Variants in VTI1A observed in about 807,000 individuals in gnomAD.
VTI1A encodes vesicle transport through interaction with t-SNAREs 1A.
Under a neutral mutation model 34.9 loss-of-function variants are expected in VTI1A, and 22 were observed. That is an observed-to-expected ratio of 0.63 (90% CI 0.45 to 0.90). The LOEUF (loss-of-function observed/expected upper bound fraction) is 0.90. Ranked by LOEUF, VTI1A falls within the 40% of genes least tolerant of loss-of-function variation. VTI1A has a pLI of 0.00. For synonymous variants in VTI1A, 87 were observed against 97.3 expected (o/e 0.89, Z 0.62); for missense variants, 268 against 275.6 (o/e 0.97, Z 0.20).
At chr10:112,678,661 CG>C (rs1381993158) in intron 7 of VTI1A, among the ~76,000 whole-genome samples, 8 of 152,164 alleles carry the variant, frequency 5.3e-5, no homozygotes, top group African/African-American at 1.9e-4. Context: ...TGTAAACTAG[CG>C]TATTCACACA....
intron 5 of VTI1A, among the ~76,000 whole-genome samples, chr10:112,666,602 A>T (rs1386643368): frequency 6.6e-6 from 1 of 152,178 alleles, no homozygotes; most frequent in Non-Finnish European, 1.5e-5. Context: ...TACATACTGT[A>T]TCATGACATG....
intron 7 of VTI1A, among the ~76,000 whole-genome samples, chr10:112,814,471 A>G (rs1853437516): frequency 6.6e-6 from 1 of 152,158 alleles, no homozygotes; most frequent in South Asian, 2.1e-4. Flanking sequence ...TTTTCTCCGA[A>G]TGAGGTAACA....
intron 5 of VTI1A, among the ~76,000 whole-genome samples, chr10:112,555,239 A>G (rs1367082468): frequency 1.3e-5 from 2 of 152,156 alleles, no homozygotes; most frequent in Non-Finnish European, 2.9e-5. Context: ...TTTCAAATAT[A>G]TATGCATACA....
At chr10:112,620,030 C>CTAAAG in intron 5 of VTI1A, among the ~76,000 whole-genome samples, 1 of 152,306 alleles carries the variant, frequency 6.6e-6, no homozygotes, top group South Asian at 2.1e-4. Flanking sequence ...AAACTCTCCT[C>CTAAAG]TAAAGTATTT....
intron 5 of VTI1A, among the ~76,000 whole-genome samples, chr10:112,596,255 A>G (rs575437739): frequency 6.6e-6 from 1 of 152,278 alleles, no homozygotes; most frequent in Non-Finnish European, 1.5e-5. Flanking sequence ...TGGCACATGT[A>G]TACATATGTA....
chr10:112,768,309 C>T (rs745618748), intron 7 of VTI1A, among the ~76,000 whole-genome samples: 1 of 152,192 alleles, frequency 6.6e-6, no homozygotes, highest in Non-Finnish European at 1.5e-5. Flanking sequence ...AAGGCGCTTT[C>T]TGGAGAGGCT....
chr10:112,824,640 C>G, the VTI1A span: 2 of 152,362 alleles, frequency 1.3e-5, no homozygotes, highest in Non-Finnish European at 2.9e-5. Context: ...CAGCGTGGTA[C>G]GGATACCAGT....
At chr10:112,592,722 G>C (rs1225850418) in intron 5 of VTI1A, among the ~76,000 whole-genome samples, 4 of 152,194 alleles carry the variant, frequency 2.6e-5, no homozygotes, top group African/African-American at 9.7e-5. Context: ...AAAATGGTTA[G>C]ACAAGGTGCC....
chr10:112,849,710 C>T, the VTI1A span, among the ~76,000 whole-genome samples: 4 of 152,220 alleles, frequency 2.6e-5, no homozygotes, highest in Admixed American at 1.3e-4. Context: ...GACTGATATT[C>T]TGTCAAATAT....
At chr10:112,632,641 A>G (rs927720790) in intron 5 of VTI1A, among the ~76,000 whole-genome samples, 1 of 152,192 alleles carries the variant, frequency 6.6e-6, no homozygotes, top group Non-Finnish European at 1.5e-5. Flanking sequence ...GTTGAGGTAC[A>G]TCACTTCTGA....
At chr10:112,625,111 A>G (rs1055467012) in intron 5 of VTI1A, among the ~76,000 whole-genome samples, 1 of 152,166 alleles carries the variant, frequency 6.6e-6, no homozygotes, top group Non-Finnish European at 1.5e-5. Context: ...AAAATAAAAA[A>G]AGTATTTTGT....
chr10:112,567,775 C>T (rs1453637396), intron 5 of VTI1A, among the ~76,000 whole-genome samples: 1 of 152,132 alleles, frequency 6.6e-6, no homozygotes, highest in Non-Finnish European at 1.5e-5. Context: ...ATTCGAGAGT[C>T]ACCACTGATT....
At chr10:112,820,237 C>A (rs975451339), downstream of VTI1A, among the ~76,000 whole-genome samples, 14 of 152,198 alleles carry the variant, frequency 9.2e-5, no homozygotes, top group African/African-American at 3.1e-4. Context: ...CACACCTCAA[C>A]AGAAAAGGTA....
chr10:112,555,677 G>T lies in VTI1A; in HGVS notation c.427+17347G>T, dbSNP rs576505478. Among the ~76,000 whole-genome samples, 33 of 152,106 alleles carry T rather than the reference G, an allele frequency of 2.2e-4. No individual in the cohort carries two copies. In the South Asian group the frequency reaches 6.6e-3, roughly 31 times the overall value. On this transcript the variant is annotated intron_variant, in intron 5 of 7. Coordinates refer to ENST00000393077, the MANE Select transcript of VTI1A (RefSeq NM_145206.4). ...ATAAAGAGCTGTTATTGACCTCAAA[G>T]AAAAGTCAATATCTGCTTGTTAATT...
At chr10:112,828,865 A>C in the VTI1A span, among the ~76,000 whole-genome samples, 2 of 148,526 alleles carry the variant, frequency 1.3e-5, no homozygotes, top group African/African-American at 5.0e-5. Context: ...AAAAAAAAAA[A>C]CAAACCACAC....
chr10:112,773,356 A>C (rs755406564), intron 7 of VTI1A, among the ~76,000 whole-genome samples: 1 of 151,914 alleles, frequency 6.6e-6, no homozygotes, highest in Non-Finnish European at 1.5e-5. Flanking sequence ...CACTTATCAC[A>C]CTCCTCTTCC....
intron 7 of VTI1A, among the ~76,000 whole-genome samples, chr10:112,788,998 C>T (rs1420453489): frequency 6.6e-6 from 1 of 152,066 alleles, no homozygotes; most frequent in Non-Finnish European, 1.5e-5. Flanking sequence ...ATCATATCTA[C>T]ACATGATATA....
At chr10:112,703,310 G>T (rs529712382) in intron 7 of VTI1A, among the ~76,000 whole-genome samples, 30 of 152,292 alleles carry the variant, frequency 2.0e-4, no homozygotes, top group Non-Finnish European at 3.8e-4. Flanking sequence ...GCTCACGCCT[G>T]TAACCCCAGC....
At chr10:112,596,315 T>TAA (rs34076196) in intron 5 of VTI1A, among the ~76,000 whole-genome samples, 4 of 151,928 alleles carry the variant, frequency 2.6e-5, no homozygotes, top group South Asian at 2.1e-4. Flanking sequence ...AATATAATAA[T>TAA]AAAAAAGCCT....
Sources: allele counts gnomAD v4.1 joint callset (sites outside exome capture counted in the v4.1 genomes callset), GRCh38; gene constraint gnomAD v4.1.1; transcripts MANE v1.5; gene names NCBI Gene and HGNC (gene_info 2026-07-23, HGNC 2026-07-21).